The following TMEM87A variants were observed in gnomAD, a reference collection of about 807,000 sequenced individuals.
The protein encoded by TMEM87A is transmembrane protein 87A.
Under a neutral mutation model 90.0 loss-of-function variants are expected in TMEM87A, and 50 were observed. The observed-to-expected ratio is 0.56, with a 90% CI of 0.44 to 0.70. TMEM87A has a LOEUF of 0.70. Among genes scored for constraint, TMEM87A ranks in the 30% least tolerant of loss-of-function variants. The pLI is 0.00. For synonymous variants in TMEM87A, 226 were observed against 226.7 expected (o/e 1.00, Z 0.03); for missense variants, 577 against 660.5 (o/e 0.87, Z 1.39).
At chr15:42,245,511 CATTT>C (rs2050954291) in intron 6 of TMEM87A, among the ~76,000 whole-genome samples, 2 of 146,962 alleles carry the variant, frequency 1.4e-5, no homozygotes, top group Admixed American at 6.8e-5. Flanking sequence ...AAGCATATGA[CATTT>C]ATTACTTTTT....
At chr15:42,264,699 A>ATATATTTT (rs10681614) in intron 3 of TMEM87A, among the ~76,000 whole-genome samples, 189 of 109,432 alleles carry the variant, frequency 1.7e-3, no homozygotes, top group East Asian at 8.1e-3. Flanking sequence ...ATATATATAT[A>ATATATTTT]TTTTTTTTTT....
intron 12 of TMEM87A, among the ~76,000 whole-genome samples, chr15:42,230,244 C>T (rs1220939055): frequency 1.3e-5 from 2 of 152,212 alleles, no homozygotes; most frequent in South Asian, 2.1e-4. Flanking sequence ...CCATTCCCAC[C>T]TCCCTCTTCT....
At chr15:42,223,759 TA>T (rs2050539683) in intron 15 of TMEM87A, among the ~76,000 whole-genome samples, 1 of 152,006 alleles carries the variant, frequency 6.6e-6, no homozygotes, top group South Asian at 2.1e-4. Context: ...AATAAGCCAA[TA>T]AAAAATAAGC....
At chr15:42,271,832 CTACA>C (rs2051533710) in intron 2 of TMEM87A, among the ~76,000 whole-genome samples, 1 of 150,582 alleles carries the variant, frequency 6.6e-6, no homozygotes, top group African/African-American at 2.4e-5. Context: ...TATATAATGT[CTACA>C]TAGTGTATAT....
intron 6 of TMEM87A, among the ~76,000 whole-genome samples, chr15:42,246,967 C>G (rs1205365352): frequency 1.3e-5 from 2 of 152,180 alleles, no homozygotes; most frequent in South Asian, 2.1e-4. Context: ...TGTTTCCTGA[C>G]TTTTTACTGA....
intron 7 of TMEM87A, among the ~76,000 whole-genome samples, chr15:42,243,421 G>A (rs1040647231): frequency 6.6e-6 from 1 of 151,502 alleles, no homozygotes; most frequent in African/African-American, 2.4e-5. Flanking sequence ...GAAATTCCAC[G>A]TAAAAGATGA....
intron 1 of TMEM87A, chr15:42,272,626 G>C (rs975082638): frequency 7.3e-6 from 2 of 275,212 alleles, no homozygotes; most frequent in Non-Finnish European, 1.4e-5. Context: ...GTAAGGGGCA[G>C]AAAGGGTCAA....
At position 42,273,408 on chromosome 15, in the gene TMEM87A, C is replaced by G. The variant is rs200378857; in HGVS notation, c.-10G>C. 1.2e-6 allele frequency: 2 copies of G among 1,613,774 alleles called. No individual in the cohort carries two copies. The highest frequency in any genetic ancestry group is 1.3e-5 in the African/African-American group (1 of 75,052). On this transcript the variant is annotated 5_prime_UTR_variant, in exon 1 of 20. Transcript: ENST00000389834. ...ACGCAGCCGCCGCCATCTTCACAGC[C>G]GTGGAGTGCCTACCGAAAGCATTTC... is the stretch of plus-strand genomic sequence containing the variant.
At chr15:42,256,345 T>C (rs2140971828) in intron 6 of TMEM87A, among the ~76,000 whole-genome samples, 1 of 152,242 alleles carries the variant, frequency 6.6e-6, no homozygotes, top group Admixed American at 6.5e-5. Context: ...TTTGTCATGT[T>C]GACCAGACTA....
At chr15:42,240,549 A>C (rs2050849882) in intron 7 of TMEM87A, among the ~76,000 whole-genome samples, 2 of 152,382 alleles carry the variant, frequency 1.3e-5, no homozygotes, top group Admixed American at 1.3e-4. Context: ...ATATATCTGA[A>C]AGACATATTT....
intron 4 of TMEM87A, among the ~76,000 whole-genome samples, chr15:42,262,774 G>T (rs2051320770): frequency 6.6e-6 from 1 of 152,144 alleles, no homozygotes; most frequent in Non-Finnish European, 1.5e-5. Flanking sequence ...CTAGTAATTT[G>T]ACAGTTCAAG....
intron 6 of TMEM87A, among the ~76,000 whole-genome samples, chr15:42,259,587 C>T (rs572447792): frequency 6.6e-6 from 1 of 152,190 alleles, no homozygotes; most frequent in East Asian, 1.9e-4. Flanking sequence ...GGTGACCTTA[C>T]CAACTGAGGC....
intron 15 of TMEM87A, among the ~76,000 whole-genome samples, chr15:42,221,548 C>G (rs965819534): frequency 2.6e-5 from 4 of 151,918 alleles, no homozygotes; most frequent in African/African-American, 9.7e-5. Context: ...AATAGGTTTT[C>G]CTAGAATTAA....
At chr15:42,228,447 AAG>A (rs2050633403) in intron 13 of TMEM87A, among the ~76,000 whole-genome samples, 1 of 152,242 alleles carries the variant, frequency 6.6e-6, no homozygotes, top group Non-Finnish European at 1.5e-5. Flanking sequence ...CCTCAAGAAA[AAG>A]AATGCCTCAA....
At chr15:42,217,700 G>A in intron 19 of TMEM87A, 103 bp downstream of exon 19, 2 of 1,085,854 alleles carry the variant, frequency 1.8e-6, no homozygotes, top group South Asian at 2.8e-5. Flanking sequence ...TAGTTTTCAG[G>A]CCACTACTGA....
intron 12 of TMEM87A, among the ~76,000 whole-genome samples, chr15:42,230,408 C>T (rs898527547): frequency 6.6e-6 from 1 of 152,222 alleles, no homozygotes; most frequent in Non-Finnish European, 1.5e-5. Flanking sequence ...AGTTTTTCAA[C>T]AGTCACAATC....
rs987396846 is a variant in TMEM87A at position 42,231,417 on chromosome 15, T to G, written c.1063-157A>C. ...CATTTGACACCTAATCATTCTTCCCTTCTTATAAACCATCACATAGAATAT... is the reference window on the plus strand; with the variant it reads ...CATTTGACACCTAATCATTCTTCCCGTCTTATAAACCATCACATAGAATAT... On this transcript the variant is annotated intron_variant, in intron 11 of 19. Transcript: ENST00000389834. Among the ~76,000 whole-genome samples the G allele has an allele frequency of 2.6e-5, 4 of 152,246 alleles. No individual in the cohort carries two copies. The East Asian group carries it at 7.7e-4, about 29-fold the overall frequency.
At chr15:42,222,643 C>T (rs1313950450) in intron 15 of TMEM87A, among the ~76,000 whole-genome samples, 1 of 151,986 alleles carries the variant, frequency 6.6e-6, no homozygotes, top group Non-Finnish European at 1.5e-5. Flanking sequence ...GCTGCAACCT[C>T]CGCCTCCCGG....
At chr15:42,223,393 AAAAT>A (rs2050532136) in intron 15 of TMEM87A, among the ~76,000 whole-genome samples, 1 of 152,216 alleles carries the variant, frequency 6.6e-6, no homozygotes, top group Admixed American at 6.5e-5. Context: ...ACCCCATCTC[AAAAT>A]AAATAAATTC....
Sources: gnomAD v4.1 joint callset for allele counts (sites outside exome capture counted in the v4.1 genomes callset) on GRCh38, gnomAD v4.1.1 for gene constraint, MANE v1.5 for transcripts, NCBI Gene and HGNC (gene_info 2026-07-23, HGNC 2026-07-21) for gene names.